Variants in TENM1 observed in about 807,000 individuals in gnomAD.
TENM1 encodes the protein teneurin-1.
TENM1 carries 35 observed loss-of-function variants against 174.8 expected under a neutral mutation model. The ratio of observed to expected loss-of-function variants is 0.20; its 90% confidence interval spans 0.15 to 0.27. TENM1 has a LOEUF of 0.27. Among genes scored for constraint, TENM1 ranks in the 10% least tolerant of loss-of-function variants. TENM1 has a pLI of 1.00. For missense variants in TENM1, 1,633 were observed against 2,130.1 expected (o/e 0.77, Z 4.59); for synonymous variants, 781 against 798.7 (o/e 0.98, Z 0.37).
chrX:124,660,324 G>A (rs1406048722), intron 6 of TENM1, among the ~76,000 whole-genome samples: 11 of 105,969 alleles, frequency 1.0e-4, no homozygotes, highest in African/African-American at 2.1e-4. Context: ...GCAGTGAGCC[G>A]AGATCGCACC....
the TENM1 span, among the ~76,000 whole-genome samples, chrX:125,050,433 T>G: frequency 9.1e-6 from 1 of 110,021 alleles, no homozygotes; most frequent in Admixed American, 9.7e-5. Flanking sequence ...GTCCTTGCAA[T>G]AGTTTGCTGA....
At chrX:124,582,682 C>A (rs1371533043) in intron 11 of TENM1, among the ~76,000 whole-genome samples, 1 of 111,645 alleles carries the variant, frequency 9.0e-6, no homozygotes, top group Non-Finnish European at 1.9e-5. Flanking sequence ...AGACAGTGGG[C>A]GCAGGACAGT....
chrX:124,962,654 C>A (rs2058671657), intron 1 of TENM1, among the ~76,000 whole-genome samples: 1 of 110,884 alleles, frequency 9.0e-6, no homozygotes, highest in Non-Finnish European at 1.9e-5. Flanking sequence ...CCCATCTCCA[C>A]TAAAAATACA....
At chrX:124,869,062 CAAAAAAAAAAAA>C (rs146594515) in intron 3 of TENM1, among the ~76,000 whole-genome samples, 33 of 52,804 alleles carry the variant, frequency 6.2e-4, no homozygotes, top group Non-Finnish European at 9.6e-4. Context: ...CCGTCTCTAC[CAAAAAAAAAAAA>C]AAAAAAAAAT....
At chrX:124,697,228 T>C (rs758233599) in intron 5 of TENM1, among the ~76,000 whole-genome samples, 182 of 111,333 alleles carry the variant, frequency 1.6e-3, no homozygotes, top group Non-Finnish European at 2.7e-3. Flanking sequence ...ACAAGGTCTA[T>C]GTTAATTAGA....
chrX:124,479,236 G>A (rs771743757), intron 22 of TENM1, among the ~76,000 whole-genome samples: 11 of 112,301 alleles, frequency 9.8e-5, no homozygotes, highest in East Asian at 2.8e-4. Context: ...ACTCCTTTAA[G>A]CATTCTAGTT....
intron 23 of TENM1, among the ~76,000 whole-genome samples, chrX:124,443,300 A>G (rs1321864416): frequency 2.7e-5 from 3 of 111,382 alleles, no homozygotes; most frequent in Admixed American, 9.6e-5. Context: ...AGGAAGGCAG[A>G]GGTCTGCTGC....
chrX:124,999,601 T>C, the TENM1 span, among the ~76,000 whole-genome samples: 2 of 111,035 alleles, frequency 1.8e-5, no homozygotes, highest in Non-Finnish European at 3.8e-5. Flanking sequence ...CAAGCATAGA[T>C]AGTATGATGG....
chrX:124,942,082 T>C (rs2058336628), intron 1 of TENM1, among the ~76,000 whole-genome samples: 1 of 111,733 alleles, frequency 8.9e-6, no homozygotes, highest in Non-Finnish European at 1.9e-5. Context: ...GGAGCTACAA[T>C]TCAAGATGAG....
At chrX:124,856,871 C>G (rs769787590) in intron 3 of TENM1, among the ~76,000 whole-genome samples, 155 of 110,813 alleles carry the variant, frequency 1.4e-3, no homozygotes, top group African/African-American at 4.6e-3. Flanking sequence ...AAACAATAGA[C>G]TATAATATGA....
At chrX:124,512,683 G>A (rs2047611244) in intron 18 of TENM1, among the ~76,000 whole-genome samples, 1 of 111,405 alleles carries the variant, frequency 9.0e-6, no homozygotes, top group Admixed American at 9.5e-5. Context: ...CAAAAAAATG[G>A]TGGTATATCC....
intron 11 of TENM1, among the ~76,000 whole-genome samples, chrX:124,594,846 A>G (rs1322822508): frequency 2.7e-5 from 3 of 112,179 alleles, no homozygotes; most frequent in African/African-American, 9.7e-5. Flanking sequence ...ATCTCCATTC[A>G]GTGAGGACTT....
At chrX:125,166,050 G>A in the TENM1 span, among the ~76,000 whole-genome samples, 1 of 111,275 alleles carries the variant, frequency 9.0e-6, no homozygotes, top group Admixed American at 9.6e-5. Context: ...TCGTTAGGGA[G>A]TAGACACTAA....
chrX:124,760,912 G>A (rs1303758476), intron 3 of TENM1, among the ~76,000 whole-genome samples: 2 of 111,890 alleles, frequency 1.8e-5, no homozygotes, highest in Non-Finnish European at 3.8e-5. Flanking sequence ...TTCAAAAGAA[G>A]ACATTAATGC....
At chrX:125,171,719 G>A in the TENM1 span, among the ~76,000 whole-genome samples, 1 of 111,631 alleles carries the variant, frequency 9.0e-6, no homozygotes, top group African/African-American at 3.3e-5. Flanking sequence ...ATGTGCCAGT[G>A]CCTTGGCGTT....
chrX:125,062,330 C>T, the TENM1 span, among the ~76,000 whole-genome samples: 2 of 111,385 alleles, frequency 1.8e-5, no homozygotes, highest in East Asian at 2.8e-4. Context: ...TAAGATATAG[C>T]TGCAACTAGG....
chrX:124,497,159 G>C, exon 20 of TENM1: 1 of 1,210,265 alleles, frequency 8.3e-7, no homozygotes, highest in Non-Finnish European at 1.1e-6. Flanking sequence ...GGCCATTGCA[G>C]TTGGTGCAGG....
At chrX:124,413,188 G>A (rs771075959) in intron 25 of TENM1, among the ~76,000 whole-genome samples, 1 of 112,059 alleles carries the variant, frequency 8.9e-6, no homozygotes, top group Non-Finnish European at 1.9e-5. Flanking sequence ...GAGGCAAGGA[G>A]CAGGGAGAAC....
the TENM1 span, among the ~76,000 whole-genome samples, chrX:125,096,654 G>A: frequency 9.0e-6 from 1 of 111,425 alleles, no homozygotes; most frequent in Non-Finnish European, 1.9e-5. Context: ...CTGAACAAGG[G>A]CTGTCTCAGG....
Sources: allele counts gnomAD v4.1 joint callset (sites outside exome capture counted in the v4.1 genomes callset), GRCh38; gene constraint gnomAD v4.1.1; transcripts MANE v1.5; gene names NCBI Gene and HGNC (gene_info 2026-07-23, HGNC 2026-07-21).